The following RBFOX3 variants were observed in gnomAD, a reference collection of about 807,000 sequenced individuals.
RBFOX3 encodes RNA binding protein fox-1 homolog 3.
Under a neutral mutation model 48.7 loss-of-function variants are expected in RBFOX3, and 17 were observed. The observed-to-expected ratio is 0.35, with a 90% CI of 0.24 to 0.52. The LOEUF is 0.52. Ranked by LOEUF, RBFOX3 falls within the 20% of genes least tolerant of loss-of-function variation. The pLI, the probability that RBFOX3 is intolerant of heterozygous loss-of-function variation, is 0.94. For missense variants in RBFOX3, 382 were observed against 497.5 expected (o/e 0.77, Z 2.21); for synonymous variants, 212 against 209.5 (o/e 1.01, Z -0.10).
the RBFOX3 span, among the ~76,000 whole-genome samples, chr17:79,630,733 CACTT>C: frequency 6.6e-6 from 1 of 152,162 alleles, no homozygotes; most frequent in Admixed American, 6.5e-5. Flanking sequence ...AAGTGAGTAA[CACTT>C]ACTGACTCCC....
At chr17:79,400,103 G>T (rs771657384) in intron 2 of RBFOX3, among the ~76,000 whole-genome samples, 1 of 152,156 alleles carries the variant, frequency 6.6e-6, no homozygotes, top group Non-Finnish European at 1.5e-5. Flanking sequence ...GGGGAATGGG[G>T]TTTGGAGTGG....
rs536994749 is a variant in RBFOX3, at chr17:79,535,228, C to T, written c.-319-52630G>A. ...CCTTGGGCTAGAAGCAGCAGCTCCA[C>T]GGCAACATCCCAAGGCCCCTCTCCA... On this transcript the variant is annotated intron_variant, in intron 1 of 14. Transcript: ENST00000693108. The surrounding 1 kb of genome is among the most constrained non-coding windows in gnomAD (Gnocchi z 4.5). Among the ~76,000 whole-genome samples, 4 of 152,286 alleles carry T rather than the reference C, an allele frequency of 2.6e-5. No individual in the cohort carries two copies. Among genetic ancestry groups the T allele is most frequent in the African/African-American group, 7.2e-5 (3 of 41,562 alleles).
At position 79,416,724 on chromosome 17, in the gene RBFOX3, A is replaced by T. The variant is rs115083234; in HGVS notation, c.-175+65730T>A. On this transcript the variant is annotated intron_variant, in intron 2 of 14. Coordinates refer to ENST00000693108, the MANE Select transcript of RBFOX3 (RefSeq NM_001350451.2). ...CACTCAGGCTTCAGCAGCCCCTTGG[A>T]TCTATCTGCCTCGATTGCTGACCCC... 1.5e-3 allele frequency among the ~76,000 whole-genome samples: 222 copies of T among 152,260 alleles called. 1 individual carries two copies. In the East Asian group the frequency reaches 0.021, roughly 14 times the overall value.
chr17:79,622,457 T>TC, the RBFOX3 span, among the ~76,000 whole-genome samples: 3 of 151,954 alleles, frequency 2.0e-5, no homozygotes, highest in Non-Finnish European at 4.4e-5. Context: ...CTGCTCTCCC[T>TC]CCCCCAGGTC....
intron 1 of RBFOX3, among the ~76,000 whole-genome samples, chr17:79,528,919 C>T (rs1301052494): frequency 1.3e-5 from 2 of 152,174 alleles, no homozygotes; most frequent in African/African-American, 2.4e-5. Flanking sequence ...CACTCTGCAC[C>T]GCCCCTCAGT....
chr17:79,543,102 T>G (rs891869795), intron 1 of RBFOX3, among the ~76,000 whole-genome samples: 42 of 152,094 alleles, frequency 2.8e-4, no homozygotes, highest in Admixed American at 1.0e-3. Context: ...TTTGGCCACA[T>G]GTAACCCGGC....
At chr17:79,521,246 G>GCA (rs1290886932) in intron 1 of RBFOX3, among the ~76,000 whole-genome samples, 3 of 147,652 alleles carry the variant, frequency 2.0e-5, no homozygotes, top group Non-Finnish European at 3.0e-5. Context: ...TCATGCCCAG[G>GCA]CACACACACA....
chr17:79,290,964 G>A (rs976161004), intron 3 of RBFOX3, among the ~76,000 whole-genome samples: 2 of 152,192 alleles, frequency 1.3e-5, no homozygotes, highest in African/African-American at 2.4e-5. Flanking sequence ...CTCAGCCTGC[G>A]TGGCTCTCTG....
chr17:79,425,982 G>A (rs1045804725), intron 2 of RBFOX3, among the ~76,000 whole-genome samples: 1 of 152,164 alleles, frequency 6.6e-6, no homozygotes, highest in Admixed American at 6.5e-5. Flanking sequence ...GGTGACCAGT[G>A]TAACACTGGA....
At chr17:79,148,563 C>T (rs2043575222) in intron 4 of RBFOX3, among the ~76,000 whole-genome samples, 1 of 152,248 alleles carries the variant, frequency 6.6e-6, no homozygotes, top group Non-Finnish European at 1.5e-5. Flanking sequence ...CCGAAGGCCA[C>T]TGAACTTCTC....
In RBFOX3 at chr17:79,104,132, G is replaced by A. The variant is rs1380185228; in HGVS notation, c.361-6C>T. The A allele has an allele frequency of 6.4e-7, 1 of 1,550,798 alleles. No homozygotes were observed. The highest frequency in any genetic ancestry group is 2.4e-5 in the East Asian group (1 of 40,920). On this transcript the variant is annotated splice_polypyrimidine_tract_variant and splice_region_variant and intron_variant, in intron 6 of 14. Transcript: ENST00000693108. ...TCTAAAATTTTTCCGAATTGCTGCA[G>A]AGACAGAGACAAAGAGGGAGTGGGG...
intron 3 of RBFOX3, among the ~76,000 whole-genome samples, chr17:79,303,137 G>T (rs2075577551): frequency 6.6e-6 from 1 of 152,118 alleles, no homozygotes; most frequent in Admixed American, 6.5e-5. Context: ...TGGGCCTAGG[G>T]GTAGAGGCTG....
At chr17:79,231,079 A>G (rs1180119734) in intron 4 of RBFOX3, among the ~76,000 whole-genome samples, 1 of 152,184 alleles carries the variant, frequency 6.6e-6, no homozygotes, top group Admixed American at 6.5e-5. Context: ...TTTTCAGGCC[A>G]TGGTGCAGTG....
In RBFOX3 at chr17:79,242,024, A is replaced by G. The variant is rs1003629705; in HGVS notation, c.-73-6219T>C. Among the ~76,000 whole-genome samples, 1 of 152,250 alleles carries G rather than the reference A, an allele frequency of 6.6e-6. No homozygotes were observed. Among genetic ancestry groups the G allele is most frequent in the African/African-American group, 2.4e-5 (1 of 41,472 alleles). On this transcript the variant is annotated intron_variant, in intron 3 of 14. Transcript: ENST00000693108. The surrounding 1 kb of genome is among the most constrained non-coding windows in gnomAD (Gnocchi z 5.8). The stretch of plus-strand genomic sequence containing the variant: ...AGTGCAGCACACACAGCTTCCACGT[A>G]TTCACTCGATTCTTTGCTTTCTTTC...
rs1262267277 is a variant in RBFOX3, at chr17:79,212,256, A to AGGCTGG, written c.-34+23504_-34+23509dup. On this transcript the variant is annotated intron_variant, in intron 4 of 14. Transcript: ENST00000693108. The surrounding 1 kb of genome is among the most constrained non-coding windows in gnomAD (Gnocchi z 4.7). The stretch of plus-strand genomic sequence containing the variant: ...GCCACCCGCTGCCCTGGGTTCTTCC[A>AGGCTGG]GGCTGGGGCTGGGGCTGGGGCAGGG... 6.6e-6 allele frequency among the ~76,000 whole-genome samples: 1 copy of AGGCTGG among 152,090 alleles called. No homozygotes were observed. Among genetic ancestry groups the AGGCTGG allele is most frequent in the Non-Finnish European group, 1.5e-5 (1 of 67,992 alleles).
At position 79,299,001 on chromosome 17, in the gene RBFOX3, C is replaced by T. The variant is rs551353103; in HGVS notation, c.-74+8723G>A. On this transcript the variant is annotated intron_variant, in intron 3 of 14. Coordinates refer to ENST00000693108, the MANE Select transcript of RBFOX3 (RefSeq NM_001350451.2). The surrounding 1 kb of genome is among the most constrained non-coding windows in gnomAD (Gnocchi z 4.5). ...AGCCTGCTGATGCAAGGCTGGGAGG[C>T]GGGAGGGCGCGAGTCTGTAACTGGA... Among the ~76,000 whole-genome samples the T allele has an allele frequency of 1.4e-4, 21 of 152,184 alleles. No individual in the cohort carries two copies. The highest frequency in any genetic ancestry group is 5.2e-4 in the Admixed American group (8 of 15,286).
At chr17:79,557,630 C>T (rs2091882615) in intron 1 of RBFOX3, among the ~76,000 whole-genome samples, 1 of 152,090 alleles carries the variant, frequency 6.6e-6, no homozygotes, top group African/African-American at 2.4e-5. Flanking sequence ...TTGGTGAGGC[C>T]GAAGAAACGA....
the RBFOX3 span, among the ~76,000 whole-genome samples, chr17:79,651,850 T>TC: frequency 1.5e-5 from 2 of 130,914 alleles, no homozygotes; most frequent in African/African-American, 2.9e-5. Context: ...TCTCTCTCTT[T>TC]CCCCCCCTCC....
chr17:79,648,890 C>G, the RBFOX3 span, among the ~76,000 whole-genome samples: 1 of 152,212 alleles, frequency 6.6e-6, no homozygotes, highest in African/African-American at 2.4e-5. Flanking sequence ...CTATGCCCCA[C>G]CACAGCCACC....
Sources: gnomAD v4.1 joint callset for allele counts (sites outside exome capture counted in the v4.1 genomes callset) on GRCh38, gnomAD v4.1.1 for gene constraint, Gnocchi (gnomAD v3.1) non-coding constraint, MANE v1.5 for transcripts, NCBI Gene and HGNC (gene_info 2026-07-23, HGNC 2026-07-21) for gene names.